ABCB1: variants seen among roughly 807,000 people sequenced by gnomAD.
The protein encoded by ABCB1 is ATP binding cassette subfamily B member 1.
A neutral mutation model predicts 142.0 loss-of-function variants in ABCB1; 69 were observed. The ratio of observed to expected loss-of-function variants is 0.49; its 90% CI spans 0.40 to 0.59. The LOEUF (loss-of-function observed/expected upper bound fraction) is 0.59. ABCB1 is among the 20% of genes least tolerant of loss of function. The pLI is 0.00. For synonymous variants in ABCB1, 532 were observed against 539.2 expected (o/e 0.99, Z 0.18); for missense variants, 1,326 against 1,554.7 (o/e 0.85, Z 2.47).
At chr7:87,676,230 A>C (rs1826342091) in intron 1 of ABCB1, among the ~76,000 whole-genome samples, 3 of 152,098 alleles carry the variant, frequency 2.0e-5, no homozygotes, top group Admixed American at 2.0e-4. Flanking sequence ...CTGTCTAAAC[A>C]AACAAACAAA....
intron 22 of ABCB1, among the ~76,000 whole-genome samples, chr7:87,520,212 C>T (rs1462482961): frequency 6.7e-6 from 1 of 148,856 alleles, no homozygotes; most frequent in Non-Finnish European, 1.5e-5. Flanking sequence ...AAAGGCTCTA[C>T]CATCATTTTT....
rs187197906 is a variant in ABCB1 at position 87,566,640 on chromosome 7, G to A, written c.530+145C>T. On this transcript the variant is annotated intron_variant, in intron 6 of 27. Coordinates refer to ENST00000622132, the MANE Select transcript of ABCB1 (RefSeq NM_001348946.2). ...GCACTGGGAACAAAAGGATGCACACGACATTGTTGCTGCTTAGAAGGAATT... is the reference window on the plus strand; with the variant it reads ...GCACTGGGAACAAAAGGATGCACACAACATTGTTGCTGCTTAGAAGGAATT... 6.2e-3 allele frequency: 5,084 copies of A among 818,082 alleles called. 31 individuals carry two copies. Among genetic ancestry groups the A allele is most frequent in the Non-Finnish European group, 8.8e-3 (4,346 of 496,260 alleles). 50.7% of individuals were successfully genotyped at this position (818,082 alleles called of 1,614,324 possible).
Position 87,515,330 on chromosome 7 carries a change from C to A in ABCB1, c.3183G>T (p.Lys1061Asn), listed in dbSNP as rs1235695290. ...PVLQGLSLEVKKGQTLALVGS... is the reference protein window; with the variant it reads ...PVLQGLSLEVNKGQTLALVGS... Reference sequence around the variant, plus strand: ...CCACCAGAGCCAGCGTCTGGCCCTTCTTCACCTCCAGGCTCAGTCCCTGAA... The same window carrying A: ...CCACCAGAGCCAGCGTCTGGCCCTTATTCACCTCCAGGCTCAGTCCCTGAA... The change falls in exon 25 of 28, where the codon AAG becomes AAT. Residue 1061 changes from lysine to asparagine, a missense_variant. Coordinates refer to ENST00000622132, the MANE Select transcript of ABCB1 (RefSeq NM_001348946.2). The A allele has an allele frequency of 6.2e-7, 1 of 1,614,208 alleles. No homozygotes were observed. The highest frequency in any genetic ancestry group is 8.5e-7 in the Non-Finnish European group (1 of 1,180,024).
At chr7:87,595,075 G>A (rs935373175) in intron 3 of ABCB1, among the ~76,000 whole-genome samples, 1 of 152,026 alleles carries the variant, frequency 6.6e-6, no homozygotes, top group Non-Finnish European at 1.5e-5. Flanking sequence ...GTTGCAGTGA[G>A]CCAAGATCAC....
chr7:87,625,438 T>A (rs147375925), intron 1 of ABCB1, among the ~76,000 whole-genome samples: 1 of 152,306 alleles, frequency 6.6e-6, no homozygotes, highest in African/African-American at 2.4e-5. Context: ...CTCACTTTTA[T>A]CTTCTTGATA....
intron 5 of ABCB1, among the ~76,000 whole-genome samples, chr7:87,568,488 A>G (rs550764420): frequency 6.6e-6 from 1 of 152,218 alleles, no homozygotes; most frequent in Admixed American, 6.5e-5. Flanking sequence ...ACATTCTAAA[A>G]TAAAATACAG....
intron 3 of ABCB1, among the ~76,000 whole-genome samples, chr7:87,589,373 A>G (rs1326481918): frequency 6.6e-6 from 1 of 152,254 alleles, no homozygotes. Flanking sequence ...TTTTGAAAAT[A>G]TAATAATTAA....
At chr7:87,615,718 T>C (rs1436130391) in intron 1 of ABCB1, among the ~76,000 whole-genome samples, 1 of 152,228 alleles carries the variant, frequency 6.6e-6, no homozygotes, top group Admixed American at 6.5e-5. Context: ...ATTTGTAGAC[T>C]TTGTGATACA....
chr7:87,691,151 G>T (rs1432779430), intron 1 of ABCB1, among the ~76,000 whole-genome samples: 1 of 152,028 alleles, frequency 6.6e-6, no homozygotes, highest in African/African-American at 2.4e-5. Context: ...GTCTTATCAA[G>T]GAAAATTTAT....
intron 4 of ABCB1, among the ~76,000 whole-genome samples, chr7:87,577,646 T>C (rs191690324): frequency 9.2e-5 from 14 of 152,364 alleles, no homozygotes; most frequent in African/African-American, 3.1e-4. Flanking sequence ...TATCGCATTA[T>C]AGTTTTGACT....
At chr7:87,613,418 G>A (rs1054583735) in intron 1 of ABCB1, among the ~76,000 whole-genome samples, 1 of 151,822 alleles carries the variant, frequency 6.6e-6, no homozygotes, top group African/African-American at 2.4e-5. Context: ...GTGCTTATAT[G>A]TTCATTGCAG....
intron 1 of ABCB1, among the ~76,000 whole-genome samples, chr7:87,641,968 AAATC>A (rs1244363696): frequency 2.0e-5 from 3 of 152,146 alleles, no homozygotes; most frequent in South Asian, 2.1e-4. Flanking sequence ...AAATTTTCAT[AAATC>A]AATCACAAAA....
intron 7 of ABCB1, chr7:87,565,425 T>TA (rs1563055084): frequency 2.2e-6 from 1 of 444,452 alleles, no homozygotes; most frequent in Non-Finnish European, 4.5e-6. Context: ...ACTGGAAACG[T>TA]GTGCTGGGGT....
chr7:87,684,707 C>T (rs1420347434), intron 1 of ABCB1, among the ~76,000 whole-genome samples: 3 of 137,416 alleles, frequency 2.2e-5, no homozygotes, highest in Non-Finnish European at 4.5e-5. Context: ...GAGATCGTGC[C>T]ACTGCACTCC....
intron 1 of ABCB1, among the ~76,000 whole-genome samples, chr7:87,689,974 T>C (rs895374861): frequency 1.3e-5 from 2 of 152,130 alleles, no homozygotes; most frequent in Non-Finnish European, 2.9e-5. Flanking sequence ...TTTAAATAGC[T>C]GTCATAGATT....
Position 87,516,597 on chromosome 7 carries a change from G to T in ABCB1, c.2996C>A (p.Ala999Asp). 6.2e-7 allele frequency: 1 copy of T among 1,614,158 alleles called. No homozygotes were observed. Among genetic ancestry groups the T allele is most frequent in the Non-Finnish European group, 8.5e-7 (1 of 1,180,030 alleles). The change falls in exon 24 of 28, where the codon GCC becomes GAC. Residue 999 changes from alanine (A) to aspartate (D), a missense_variant. Physicochemically the swap from Ala to Asp is moderately radical, Grantham distance 126. Transcript: ENST00000622132. ...GTGGGCTGCTGATATTTTGGCTTTG[G>T]CATAGTCAGGAGCAAATGAACTGAC... ...GQVSSFAPDYAKAKISAAHII... is the reference protein window; with the variant it reads ...GQVSSFAPDYDKAKISAAHII...
At chr7:87,628,872 G>A in intron 1 of ABCB1, 1 of 1,285,812 alleles carries the variant, frequency 7.8e-7, no homozygotes, top group Non-Finnish European at 9.9e-7. Flanking sequence ...CGGCGGTGGC[G>A]GCGGAGGCGG....
chr7:87,553,646 A>G, intron 9 of ABCB1, 115 bp downstream of exon 9: 1 of 1,147,386 alleles, frequency 8.7e-7, no homozygotes, highest in Non-Finnish European at 1.3e-6. Flanking sequence ...AGTAGTGCAT[A>G]TGTCTGTAGT....
Position 87,553,922 on chromosome 7 carries a change from T to A in ABCB1, c.838A>T (p.Asn280Tyr). ...QKKELERYNK[N>Y]LEEAKRIGIK... ...CCAATTCTTTTAGCTTCTTCTAAAT[T>A]TTTGTTGTACCTGAGAAAAAGAACA... The change falls in exon 9 of 28, where the codon AAT becomes TAT. Residue 280 changes from asparagine to tyrosine, a missense_variant. Coordinates refer to ENST00000622132, the MANE Select transcript of ABCB1 (RefSeq NM_001348946.2). 2 of 1,613,638 alleles carry A rather than the reference T, an allele frequency of 1.2e-6. No homozygotes were observed. Among genetic ancestry groups the A allele is most frequent in the Non-Finnish European group, 1.7e-6 (2 of 1,179,550 alleles).
Sources: gnomAD v4.1 joint callset for allele counts (sites outside exome capture counted in the v4.1 genomes callset) on GRCh38, gnomAD v4.1.1 for gene constraint, MANE v1.5 for transcripts, NCBI Gene and HGNC (gene_info 2026-07-23, HGNC 2026-07-21) for gene names.